GABRB1: variants seen among roughly 807,000 people sequenced by gnomAD.
GABRB1 encodes the protein gamma-aminobutyric acid receptor subunit beta-1.
A neutral mutation model predicts 51.6 loss-of-function variants in GABRB1; 17 were observed. The observed-to-expected ratio is 0.33, with a 90% CI of 0.23 to 0.49. GABRB1 has a LOEUF of 0.49. Among genes scored for constraint, GABRB1 ranks in the 20% least tolerant of loss-of-function variants. GABRB1 has a pLI of 0.99. For missense variants in GABRB1, 410 were observed against 600.6 expected (o/e 0.68, Z 3.32); for synonymous variants, 247 against 218.9 (o/e 1.13, Z -1.14).
intron 8 of GABRB1, among the ~76,000 whole-genome samples, chr4:47,411,842 G>A (rs1020433251): frequency 4.6e-5 from 7 of 152,116 alleles, no homozygotes; most frequent in African/African-American, 1.4e-4. Context: ...ATAAAGAAAT[G>A]GGGAGTTTCA....
chr4:47,211,195 A>C (rs553686271), intron 4 of GABRB1, among the ~76,000 whole-genome samples: 2 of 152,272 alleles, frequency 1.3e-5, no homozygotes, highest in Admixed American at 6.5e-5. Flanking sequence ...ATCTGAGCCT[A>C]ATATGAGTTT....
intron 5 of GABRB1, among the ~76,000 whole-genome samples, chr4:47,331,783 T>C (rs1158765742): frequency 6.6e-6 from 1 of 152,156 alleles, no homozygotes; most frequent in Non-Finnish European, 1.5e-5. Context: ...GCCAGGCACT[T>C]TATAAAGATT....
upstream of GABRB1, among the ~76,000 whole-genome samples, chr4:47,027,686 G>GTT (rs1482763795): frequency 2.6e-5 from 4 of 151,424 alleles, no homozygotes; most frequent in African/African-American, 9.7e-5. Context: ...AAAATAACAT[G>GTT]AGATTTTTAG....
intron 4 of GABRB1, among the ~76,000 whole-genome samples, chr4:47,288,597 A>G (rs1723603152): frequency 6.6e-6 from 1 of 152,154 alleles, no homozygotes; most frequent in South Asian, 2.1e-4. Context: ...CCTAAGGTCT[A>G]GCAGCTCCTG....
chr4:47,290,858 A>C (rs1206225999), intron 4 of GABRB1, among the ~76,000 whole-genome samples: 1 of 152,144 alleles, frequency 6.6e-6, no homozygotes, highest in Non-Finnish European at 1.5e-5. Context: ...GGTTCTGGTA[A>C]AGGCATTCAG....
chr4:47,265,388 C>A (rs1227364666), intron 4 of GABRB1, among the ~76,000 whole-genome samples: 6 of 152,022 alleles, frequency 3.9e-5, no homozygotes, highest in Admixed American at 3.9e-4. Context: ...AATATATTTG[C>A]CATTGTGAAT....
At chr4:47,065,821 G>A (rs956485037) in intron 3 of GABRB1, among the ~76,000 whole-genome samples, 1 of 152,164 alleles carries the variant, frequency 6.6e-6, no homozygotes, top group African/African-American at 2.4e-5. Context: ...TAGGATGACA[G>A]TTTCCTAGGC....
chr4:47,001,256 C>T (rs1325230565), intron 1 of GABRB1, among the ~76,000 whole-genome samples: 3 of 152,092 alleles, frequency 2.0e-5, no homozygotes, highest in Admixed American at 6.5e-5. Context: ...CATTCTCCTG[C>T]CTCAGCCTCC....
intron 3 of GABRB1, among the ~76,000 whole-genome samples, chr4:47,053,797 C>T (rs1366843795): frequency 6.6e-6 from 1 of 152,112 alleles, no homozygotes; most frequent in Non-Finnish European, 1.5e-5. Context: ...GGTGTGAGAT[C>T]TAGGCTGAGA....
intron 4 of GABRB1, among the ~76,000 whole-genome samples, chr4:47,263,447 G>T (rs984455950): frequency 6.6e-6 from 1 of 152,130 alleles, no homozygotes; most frequent in African/African-American, 2.4e-5. Context: ...CATGGAAAGT[G>T]CAGAGACCAA....
intron 4 of GABRB1, among the ~76,000 whole-genome samples, chr4:47,259,947 T>A (rs1425249962): frequency 2.0e-5 from 3 of 152,136 alleles, no homozygotes; most frequent in Non-Finnish European, 4.4e-5. Flanking sequence ...CCCATTATTA[T>A]TATATGGGAG....
intron 4 of GABRB1, among the ~76,000 whole-genome samples, chr4:47,256,603 T>G (rs1046151148): frequency 1.4e-4 from 22 of 152,282 alleles, no homozygotes; most frequent in Admixed American, 1.4e-3. Context: ...ACAGGTAGCA[T>G]GGCTAGGGAG....
At chr4:47,178,447 G>A (rs906711595) in intron 4 of GABRB1, among the ~76,000 whole-genome samples, 7 of 152,052 alleles carry the variant, frequency 4.6e-5, no homozygotes, top group African/African-American at 1.7e-4. Context: ...ATGGGACAAT[G>A]AAGAGGAATT....
intron 5 of GABRB1, among the ~76,000 whole-genome samples, chr4:47,397,727 C>A (rs1230451558): frequency 1.3e-5 from 2 of 151,906 alleles, no homozygotes; most frequent in Non-Finnish European, 2.9e-5. Flanking sequence ...CCACCATGCT[C>A]AGCTAATTTT....
intron 5 of GABRB1, among the ~76,000 whole-genome samples, chr4:47,380,926 G>T (rs532101845): frequency 6.6e-6 from 1 of 152,028 alleles, no homozygotes; most frequent in African/African-American, 2.4e-5. Context: ...TCTGATAATG[G>T]CCATATACTT....
Position 47,278,218 on chromosome 4 carries a change from G to A in GABRB1, c.462-41909G>A, listed in dbSNP as rs1326038580. On this transcript the variant is annotated intron_variant, in intron 4 of 8. Transcript: ENST00000295454. ...CATAATGTTAAGTGTTTAGCACAAT[G>A]ACTGGCACGTAGTGAGCACATAATT... 7.9e-5 allele frequency among the ~76,000 whole-genome samples: 12 copies of A among 152,140 alleles called. No homozygotes were observed. In the East Asian group the frequency reaches 2.3e-3, roughly 29 times the overall value.
chr4:47,380,402 G>A (rs889197913), intron 5 of GABRB1, among the ~76,000 whole-genome samples: 8 of 152,162 alleles, frequency 5.3e-5, no homozygotes, highest in Non-Finnish European at 8.8e-5. Context: ...CTTAGCCAAC[G>A]TCTTCCTTTT....
chr4:47,204,585 C>T (rs1720042108), intron 4 of GABRB1, among the ~76,000 whole-genome samples: 1 of 152,114 alleles, frequency 6.6e-6, no homozygotes, highest in South Asian at 2.1e-4. Context: ...CCACAATCCC[C>T]ACGTGTCTTG....
chr4:47,142,529 C>T (rs113098421), intron 3 of GABRB1, among the ~76,000 whole-genome samples: 4 of 151,754 alleles, frequency 2.6e-5, no homozygotes, highest in African/African-American at 9.7e-5. Context: ...AGCAAAGAAG[C>T]GACATTATCA....
Sources: allele counts gnomAD v4.1 joint callset (sites outside exome capture counted in the v4.1 genomes callset), GRCh38; gene constraint gnomAD v4.1.1; transcripts MANE v1.5; gene names NCBI Gene and HGNC (gene_info 2026-07-23, HGNC 2026-07-21).